SLC7A14: variants seen among roughly 807,000 people sequenced by gnomAD.
The protein encoded by SLC7A14 is solute carrier family 7 member 14, also known as gamma-aminobutyric acid transporter SLC7A14.
Under a neutral mutation model 60.2 loss-of-function variants are expected in SLC7A14, and 37 were observed. That is an observed-to-expected ratio of 0.61 (90% confidence interval 0.47 to 0.81). The LOEUF is 0.81. Ranked by LOEUF, SLC7A14 falls within the 30% of genes least tolerant of loss-of-function variation. The pLI is 0.00. For missense variants in SLC7A14, 886 were observed against 982.7 expected (o/e 0.90, Z 1.32); for synonymous variants, 399 against 395.8 (o/e 1.01, Z -0.10).
In SLC7A14 at chr3:170,585,366, C is replaced by G. The variant is rs540682348; in HGVS notation, c.-153+545G>C. Among the ~76,000 whole-genome samples, 101 of 152,234 alleles carry G rather than the reference C, an allele frequency of 6.6e-4. No homozygotes were observed. Among genetic ancestry groups the G allele is most frequent in the Non-Finnish European group, 1.1e-3 (74 of 67,990 alleles). On this transcript the variant is annotated intron_variant, in intron 1 of 7. Coordinates refer to ENST00000231706, the MANE Select transcript of SLC7A14 (RefSeq NM_020949.3). The surrounding 1 kb of genome is among the most constrained non-coding windows in gnomAD (Gnocchi z 5.1). ...CGGGGTGCTGGGCTCGGCGGGAGTC[C>G]CTTTGAGGAGTTTGCTCCCAGGTAA...
At chr3:170,495,751 C>G in intron 4 of SLC7A14, 1 of 1,182,066 alleles carries the variant, frequency 8.5e-7, no homozygotes, top group South Asian at 1.2e-5. Context: ...AAGTTTGCCT[C>G]CTTCATCGAC....
intron 1 of SLC7A14, among the ~76,000 whole-genome samples, chr3:170,547,090 G>A (rs1333084185): frequency 6.6e-6 from 1 of 152,096 alleles, no homozygotes; most frequent in Admixed American, 6.5e-5. Context: ...CCTGGATGGA[G>A]ATGTAAGATT....
chr3:170,500,693 A>G (rs921004187), intron 3 of SLC7A14, among the ~76,000 whole-genome samples: 1 of 152,110 alleles, frequency 6.6e-6, no homozygotes, highest in Non-Finnish European at 1.5e-5. Context: ...TTATTTTTAT[A>G]TAGTTATTGA....
intron 1 of SLC7A14, among the ~76,000 whole-genome samples, chr3:170,548,910 G>T (rs183093947): frequency 6.6e-6 from 1 of 152,306 alleles, no homozygotes; most frequent in Non-Finnish European, 1.5e-5. Context: ...ATTAGAGTCT[G>T]TGTCTCTTTT....
In SLC7A14 at chr3:170,462,200, G is replaced by C. The variant is rs569549704; in HGVS notation, c.*4855C>G. On this transcript the variant is annotated 3_prime_UTR_variant, in exon 8 of 8. Coordinates refer to ENST00000231706, the MANE Select transcript of SLC7A14 (RefSeq NM_020949.3). Reference sequence around the variant, plus strand: ...TTGGGCCCCTGGTAAAACCTAGTGCGAAAGGGGACGGCAATTTTCTCCAGT... The same window carrying C: ...TTGGGCCCCTGGTAAAACCTAGTGCCAAAGGGGACGGCAATTTTCTCCAGT... 1 of 152,214 alleles carries C rather than the reference G, an allele frequency of 6.6e-6. No homozygotes were observed. The highest frequency in any genetic ancestry group is 1.5e-5 in the Non-Finnish European group (1 of 68,050). 9.4% of individuals were successfully genotyped at this position (152,214 alleles called of 1,614,324 possible). A position where few individuals can be genotyped will look rare whatever the true frequency, so the allele number is the denominator to read the frequency against.
intron 4 of SLC7A14, among the ~76,000 whole-genome samples, chr3:170,486,999 G>C (rs1712056475): frequency 6.6e-6 from 1 of 150,870 alleles, no homozygotes; most frequent in African/African-American, 2.4e-5. Context: ...GTAACTTCCA[G>C]ATCTAAAATG....
At chr3:170,577,314 AGT>A (rs1371076128) in intron 1 of SLC7A14, among the ~76,000 whole-genome samples, 1 of 152,172 alleles carries the variant, frequency 6.6e-6, no homozygotes, top group Non-Finnish European at 1.5e-5. Context: ...CTCCCCACAG[AGT>A]ATCTAGAAAA....
intron 2 of SLC7A14, among the ~76,000 whole-genome samples, chr3:170,516,011 G>C (rs181300812): frequency 6.6e-6 from 1 of 152,276 alleles, no homozygotes; most frequent in East Asian, 1.9e-4. Flanking sequence ...AGCCATGCTA[G>C]GTGCTCATGG....
intron 4 of SLC7A14, among the ~76,000 whole-genome samples, chr3:170,488,158 C>T (rs1028831443): frequency 6.6e-6 from 1 of 152,178 alleles, no homozygotes; most frequent in Non-Finnish European, 1.5e-5. Context: ...CATTTAAAAT[C>T]ACAATTCTCA....
intron 1 of SLC7A14, among the ~76,000 whole-genome samples, chr3:170,559,654 A>G (rs1343559211): frequency 6.6e-6 from 1 of 152,240 alleles, no homozygotes; most frequent in Non-Finnish European, 1.5e-5. Flanking sequence ...TTTTAAAATT[A>G]CTAATTCTGA....
chr3:170,482,956 G>T (rs1444718076), intron 6 of SLC7A14, among the ~76,000 whole-genome samples: 1 of 151,744 alleles, frequency 6.6e-6, no homozygotes, highest in East Asian at 1.9e-4. Context: ...CAGTTACCAG[G>T]CCTCAATGTG....
intron 2 of SLC7A14, among the ~76,000 whole-genome samples, chr3:170,514,362 A>T (rs1389137562): frequency 1.3e-5 from 2 of 152,152 alleles, no homozygotes; most frequent in African/African-American, 2.4e-5. Flanking sequence ...TGTTTATCCC[A>T]TGGCTGTCGG....
chr3:170,545,680 G>T (rs377195266), intron 1 of SLC7A14, among the ~76,000 whole-genome samples: 18 of 152,218 alleles, frequency 1.2e-4, no homozygotes, highest in African/African-American at 4.1e-4. Flanking sequence ...TTGGCTAAAG[G>T]TCCTAAAGTT....
At chr3:170,484,500 C>T (rs550976782) in intron 5 of SLC7A14, among the ~76,000 whole-genome samples, 3 of 152,338 alleles carry the variant, frequency 2.0e-5, no homozygotes, top group African/African-American at 7.2e-5. Context: ...GGCAATGGAG[C>T]CACCAGTCAT....
At chr3:170,518,748 A>G (rs531680153) in intron 2 of SLC7A14, among the ~76,000 whole-genome samples, 1 of 152,234 alleles carries the variant, frequency 6.6e-6, no homozygotes, top group Non-Finnish European at 1.5e-5. Flanking sequence ...TGATGAAGAA[A>G]TAACTGCTTG....
rs1220955532 is a variant in SLC7A14, at chr3:170,527,067, G to C, written c.-131C>G. On this transcript the variant is annotated 5_prime_UTR_variant, in exon 2 of 8. Coordinates refer to ENST00000231706, the MANE Select transcript of SLC7A14 (RefSeq NM_020949.3). ...GAAAGGCCCAGAGGGACCCAGTGCA[G>C]CCTTCTCCTGGGCATGAATGTCTGC... 2.6e-5 allele frequency: 24 copies of C among 936,638 alleles called. No homozygotes were observed. Among genetic ancestry groups the C allele is most frequent in the Non-Finnish European group, 3.7e-5 (24 of 642,792 alleles). The allele number at this position is 936,638 out of a possible 1,614,324, so 58.0% of individuals were successfully genotyped here.
intron 5 of SLC7A14, among the ~76,000 whole-genome samples, chr3:170,485,143 G>T (rs1442099025): frequency 6.6e-6 from 1 of 152,102 alleles, no homozygotes; most frequent in Non-Finnish European, 1.5e-5. Flanking sequence ...GGGTATGTAT[G>T]GACACGATGA....
chr3:170,542,335 A>G (rs1714043365), intron 1 of SLC7A14, among the ~76,000 whole-genome samples: 1 of 152,084 alleles, frequency 6.6e-6, no homozygotes, highest in Non-Finnish European at 1.5e-5. Flanking sequence ...AATTTCATGG[A>G]CTGTCCTAAG....
intron 1 of SLC7A14, among the ~76,000 whole-genome samples, chr3:170,555,095 G>A (rs1714451757): frequency 6.6e-6 from 1 of 151,858 alleles, no homozygotes; most frequent in Non-Finnish European, 1.5e-5. Flanking sequence ...TTGGACCTGG[G>A]AAGCGGAGGT....
Sources: gnomAD v4.1 joint callset for allele counts (sites outside exome capture counted in the v4.1 genomes callset) on GRCh38, gnomAD v4.1.1 for gene constraint, Gnocchi (gnomAD v3.1) non-coding constraint, MANE v1.5 for transcripts, NCBI Gene and HGNC (gene_info 2026-07-23, HGNC 2026-07-21) for gene names.